PACS2: variants seen among roughly 807,000 people sequenced by gnomAD.
PACS2 encodes PACS1-like protein.
Under a neutral mutation model 113.0 loss-of-function variants are expected in PACS2, and 36 were observed. That is an observed-to-expected ratio of 0.32 (90% CI 0.24 to 0.42). PACS2 has a LOEUF of 0.42. PACS2 is among the 10% of genes least tolerant of loss of function. The pLI is 1.00. For synonymous variants in PACS2, 589 were observed against 536.1 expected (o/e 1.10, Z -1.36); for missense variants, 1,015 against 1,239.5 (o/e 0.82, Z 2.72).
rs1218866516 is a variant in PACS2 at position 105,317,758 on chromosome 14, C to T, written c.119+2721C>T. Among the ~76,000 whole-genome samples, 3 of 152,212 alleles carry T rather than the reference C, an allele frequency of 2.0e-5. No homozygotes were observed. Among genetic ancestry groups the T allele is most frequent in the South Asian group, 2.1e-4 (1 of 4,830 alleles). On this transcript the variant is annotated intron_variant, in intron 1 of 24. Transcript: ENST00000447393. The surrounding 1 kb of genome is among the most constrained non-coding windows in gnomAD (Gnocchi z 4.2). ...CAGCCTCTGGGTGCACTCCCCGTGT[C>T]AGCCTGGTGGAGTGTGCACATTGAC...
intron 24 of PACS2, 57 bp from the exon 25 acceptor site, chr14:105,394,497 G>T: frequency 6.2e-7 from 1 of 1,601,072 alleles, no homozygotes; most frequent in Non-Finnish European, 8.5e-7. Context: ...GCAGGCAGGT[G>T]GATAGGGTGG....
upstream of PACS2, among the ~76,000 whole-genome samples, chr14:105,310,297 G>A (rs1427278135): frequency 5.3e-5 from 8 of 151,168 alleles, no homozygotes; most frequent in African/African-American, 1.5e-4. Context: ...TTGGGAGGTC[G>A]AGGCGGGCGG....
intron 7 of PACS2, 79 bp from the exon 8 acceptor site, chr14:105,369,762 C>A: frequency 7.7e-7 from 1 of 1,299,452 alleles, no homozygotes; most frequent in Non-Finnish European, 1.1e-6. Context: ...CTGGGTGCGG[C>A]CTGGGCCTGA....
At chr14:105,367,677 AG>A (rs1233746956) in intron 5 of PACS2, among the ~76,000 whole-genome samples, 1 of 152,246 alleles carries the variant, frequency 6.6e-6, no homozygotes, top group Non-Finnish European at 1.5e-5. Context: ...GTCTGGGTGC[AG>A]GGCCCGCCAT....
In PACS2 at chr14:105,329,724, C is replaced by G. The variant is rs1334788120; in HGVS notation, c.119+14687C>G. Reference sequence around the variant, plus strand: ...CTGCGTGACTTGCAAACAGGCCTTGCAGGGCTCTAGTGTATCAGCTCCCGG... The same window carrying G: ...CTGCGTGACTTGCAAACAGGCCTTGGAGGGCTCTAGTGTATCAGCTCCCGG... On this transcript the variant is annotated intron_variant, in intron 1 of 24. Transcript: ENST00000447393. The surrounding 1 kb of genome is among the most constrained non-coding windows in gnomAD (Gnocchi z 6.4). 6.6e-6 allele frequency among the ~76,000 whole-genome samples: 1 copy of G among 152,168 alleles called. No homozygotes were observed. Among genetic ancestry groups the G allele is most frequent in the African/African-American group, 2.4e-5 (1 of 41,434 alleles).
At position 105,384,452 on chromosome 14, in the gene PACS2, C is replaced by G. The variant is rs782249992; in HGVS notation, c.1880C>G (p.Ala627Gly). The G allele has an allele frequency of 1.3e-5, 21 of 1,609,030 alleles. No individual in the cohort carries two copies. The highest frequency in any genetic ancestry group is 1.7e-5 in the Non-Finnish European group (20 of 1,177,378). The stretch of plus-strand genomic sequence containing the variant: ...AGAGACCTGTTCAACAAGCTGGAGG[C>G]CCAGAGTGCGGGTGAGGCCCGGGCG... ...AWRDLFNKLE[A>G]QSAVQDTPDI... The change falls in exon 17 of 25, where the codon GCC (alanine) becomes GGC (glycine). Residue 627 changes from alanine (A) to glycine (G), a missense_variant. Physicochemically the swap from Ala to Gly is moderately conservative, Grantham distance 60. Around this residue, in one of 3 missense-constraint regions of PACS2, gnomAD observed 859 missense variants for 1,056.8 expected, o/e 0.81. Coordinates refer to ENST00000447393, the MANE Select transcript of PACS2 (RefSeq NM_001100913.3).
chr14:105,389,619 C>T (rs782371603), intron 19 of PACS2: 7 of 347,048 alleles, frequency 2.0e-5, no homozygotes, highest in South Asian at 1.0e-4. Context: ...GCTGAGCTGG[C>T]TGTGTGGGCG....
At position 105,329,682 on chromosome 14, in the gene PACS2, G is replaced by A. The variant is rs1012473993; in HGVS notation, c.119+14645G>A. Among the ~76,000 whole-genome samples, 1 of 152,146 alleles carries A rather than the reference G, an allele frequency of 6.6e-6. No individual in the cohort carries two copies. Among genetic ancestry groups the A allele is most frequent in the Non-Finnish European group, 1.5e-5 (1 of 68,024 alleles). ...CCAGACAGCCCCCTTGTCTAGGTGC[G>A]CACCTGGAGTCCTTTCCTGCGTGAC... is the stretch of plus-strand genomic sequence containing the variant. On this transcript the variant is annotated intron_variant, in intron 1 of 24. Coordinates refer to ENST00000447393, the MANE Select transcript of PACS2 (RefSeq NM_001100913.3). The surrounding 1 kb of genome is among the most constrained non-coding windows in gnomAD (Gnocchi z 6.4).
chr14:105,334,779 G>A (rs1361396616), intron 1 of PACS2, among the ~76,000 whole-genome samples: 5 of 152,272 alleles, frequency 3.3e-5, no homozygotes, highest in African/African-American at 1.2e-4. Flanking sequence ...AAGTCACTGA[G>A]CACAGACCCA....
At chr14:105,392,390 G>T in intron 22 of PACS2, 1 of 567,366 alleles carries the variant, frequency 1.8e-6, no homozygotes, top group Admixed American at 3.1e-5. Flanking sequence ...AGGCCTCCCA[G>T]GCCGAGGCTC....
At chr14:105,385,055 C>T in intron 18 of PACS2, 68 bp downstream of exon 18, 1 of 1,002,376 alleles carries the variant, frequency 1.0e-6, no homozygotes, top group South Asian at 1.4e-5. Context: ...TGGGCCTCCC[C>T]ACCCGCTGCT....
intron 1 of PACS2, among the ~76,000 whole-genome samples, chr14:105,333,501 G>A (rs1170282287): frequency 6.6e-6 from 1 of 152,218 alleles, no homozygotes; most frequent in African/African-American, 2.4e-5. Context: ...GGTTCTGGCT[G>A]CTCCCTGGGG....
At chr14:105,349,134 G>A (rs1223707675) in intron 2 of PACS2, among the ~76,000 whole-genome samples, 1 of 152,218 alleles carries the variant, frequency 6.6e-6, no homozygotes, top group East Asian at 1.9e-4. Context: ...CCCTCCTTGG[G>A]GTAGAGCTGC....
intron 7 of PACS2, among the ~76,000 whole-genome samples, chr14:105,368,917 C>T (rs1018192929): frequency 6.6e-6 from 1 of 152,248 alleles, no homozygotes. Flanking sequence ...TCTGGCCTAC[C>T]TACCTCCACG....
intron 13 of PACS2, among the ~76,000 whole-genome samples, 154 bp downstream of exon 13, chr14:105,382,212 G>T (rs2081019135): frequency 6.6e-6 from 1 of 152,214 alleles, no homozygotes; most frequent in Non-Finnish European, 1.5e-5. Flanking sequence ...ACAGCAGGGC[G>T]GGCGGGCCAT....
chr14:105,359,447 A>G (rs943339869), intron 4 of PACS2, among the ~76,000 whole-genome samples: 5 of 151,702 alleles, frequency 3.3e-5, no homozygotes, highest in Non-Finnish European at 7.4e-5. Context: ...GGTTGGGATT[A>G]CAGGTGCTCA....
At position 105,352,712 on chromosome 14, in the gene PACS2, G is replaced by T. The variant is rs587598154; in HGVS notation, c.297+245G>T. ...CGTCATCCCTGTCCCCTGGGGTGACGGGCCCCCCCATCACTATCCCCTGGG... is the reference window on the plus strand; with the variant it reads ...CGTCATCCCTGTCCCCTGGGGTGACTGGCCCCCCCATCACTATCCCCTGGG... On this transcript the variant is annotated intron_variant, in intron 3 of 24. Coordinates refer to ENST00000447393, the MANE Select transcript of PACS2 (RefSeq NM_001100913.3). Among the ~76,000 whole-genome samples the T allele has an allele frequency of 2.8e-5, 4 of 140,376 alleles. No homozygotes were observed. In the South Asian group the frequency reaches 9.0e-4, roughly 32 times the overall value. 92.1% of individuals were successfully genotyped at this position (140,376 alleles called of 152,430 possible).
At chr14:105,361,880 C>G (rs912681295) in intron 4 of PACS2, among the ~76,000 whole-genome samples, 1 of 151,858 alleles carries the variant, frequency 6.6e-6, no homozygotes, top group South Asian at 2.1e-4. Flanking sequence ...ACCCAGGAGG[C>G]GGAAATTGCA....
chr14:105,392,482 C>A, intron 22 of PACS2, 137 bp from the exon 23 acceptor site: 1 of 710,646 alleles, frequency 1.4e-6, no homozygotes, highest in Non-Finnish European at 2.4e-6. Context: ...AGAGCATGCT[C>A]CAAGCACCCG....
Sources: gnomAD v4.1 joint callset for allele counts (sites outside exome capture counted in the v4.1 genomes callset) on GRCh38, gnomAD v4.1.1 for gene constraint, gnomAD v4.1.1 regional missense constraint, Gnocchi (gnomAD v3.1) non-coding constraint, MANE v1.5 for transcripts, NCBI Gene and HGNC (gene_info 2026-07-23, HGNC 2026-07-21) for gene names.